NRXN3: variants seen among roughly 807,000 people sequenced by gnomAD.
NRXN3 encodes neurexin III.
NRXN3 carries 32 observed loss-of-function variants against 137.6 expected under a neutral mutation model. The ratio of observed to expected loss-of-function variants is 0.23; its 90% CI spans 0.18 to 0.31. The LOEUF is 0.31. NRXN3 is among the 10% of genes least tolerant of loss of function. The pLI, the probability that NRXN3 is intolerant of heterozygous loss-of-function variation, is 1.00. For synonymous variants in NRXN3, 798 were observed against 784.5 expected, an observed-to-expected ratio of 1.02 and a Z score of -0.29; for missense variants, 1,574 against 2,062.5, an observed-to-expected ratio of 0.76 and a Z score of 4.59.
intron 1 of NRXN3, among the ~76,000 whole-genome samples, chr14:78,239,338 G>T (rs1343603843): frequency 6.6e-6 from 1 of 152,176 alleles, no homozygotes; most frequent in Admixed American, 6.5e-5. Flanking sequence ...GGGTGAGATT[G>T]GTGTCTTTAT....
At chr14:78,501,545 AAAG>A (rs1207905617) in intron 4 of NRXN3, among the ~76,000 whole-genome samples, 1 of 152,212 alleles carries the variant, frequency 6.6e-6, no homozygotes, top group Non-Finnish European at 1.5e-5. Context: ...CTATTCAAAA[AAAG>A]CTACTTACTA....
chr14:79,442,354 A>G (rs2095978674), intron 15 of NRXN3, among the ~76,000 whole-genome samples: 2 of 152,320 alleles, frequency 1.3e-5, no homozygotes, highest in African/African-American at 4.8e-5. Context: ...AGTAATGTTC[A>G]TGGGGAGTTT....
intron 8 of NRXN3, among the ~76,000 whole-genome samples, chr14:78,798,045 AC>A (rs1258142493): frequency 1.3e-5 from 2 of 151,896 alleles, no homozygotes; most frequent in African/African-American, 4.8e-5. Context: ...TCCATCCCTG[AC>A]CCCTCCCAAA....
At chr14:78,617,396 G>GT (rs1313415903) in intron 4 of NRXN3, among the ~76,000 whole-genome samples, 1 of 152,134 alleles carries the variant, frequency 6.6e-6, no homozygotes, top group Non-Finnish European at 1.5e-5. Flanking sequence ...AGTGTTAAGA[G>GT]TTTTTAGGGC....
intron 4 of NRXN3, among the ~76,000 whole-genome samples, chr14:78,454,628 C>T (rs375679360): frequency 1.3e-5 from 2 of 152,180 alleles, no homozygotes; most frequent in Admixed American, 6.5e-5. Flanking sequence ...ACAGAATAGA[C>T]AGTCAATAAA....
chr14:79,439,435 G>T (rs1174194625), intron 15 of NRXN3, among the ~76,000 whole-genome samples: 1 of 152,182 alleles, frequency 6.6e-6, no homozygotes, highest in Non-Finnish European at 1.5e-5. Context: ...GTGCCATGCA[G>T]TTACAGATTT....
At chr14:79,128,939 T>G (rs1052068088) in intron 15 of NRXN3, among the ~76,000 whole-genome samples, 2 of 152,148 alleles carry the variant, frequency 1.3e-5, no homozygotes, top group Non-Finnish European at 2.9e-5. Flanking sequence ...TATCCATTTC[T>G]TCTAGATTTT....
intron 16 of NRXN3, among the ~76,000 whole-genome samples, chr14:79,560,926 C>A (rs919497877): frequency 2.0e-5 from 3 of 152,144 alleles, no homozygotes; most frequent in Non-Finnish European, 2.9e-5. Flanking sequence ...AAGCTGCTCC[C>A]CCTTCCATCA....
chr14:78,252,702 G>A (rs1340543037), intron 2 of NRXN3, among the ~76,000 whole-genome samples: 1 of 152,196 alleles, frequency 6.6e-6, no homozygotes, highest in Non-Finnish European at 1.5e-5. Context: ...GTAGCAAGCA[G>A]TACATTTCAG....
At chr14:79,767,677 A>G (rs1325088742) in intron 19 of NRXN3, among the ~76,000 whole-genome samples, 3 of 152,212 alleles carry the variant, frequency 2.0e-5, no homozygotes, top group African/African-American at 7.2e-5. Context: ...TCCCTATTAA[A>G]TGGATAACAC....
intron 4 of NRXN3, among the ~76,000 whole-genome samples, chr14:78,584,214 A>G (rs2152376602): frequency 6.6e-6 from 1 of 152,246 alleles, no homozygotes; most frequent in Admixed American, 6.5e-5. Flanking sequence ...ATTGTTTTCC[A>G]GATATTTGTA....
intron 15 of NRXN3, among the ~76,000 whole-genome samples, chr14:79,355,333 C>T (rs916281600): frequency 4.6e-4 from 70 of 151,752 alleles, no homozygotes; most frequent in African/African-American, 1.6e-3. Flanking sequence ...ACTTCTTTTC[C>T]ACTGCATGCC....
intron 15 of NRXN3, among the ~76,000 whole-genome samples, chr14:79,382,539 A>G (rs1025698556): frequency 3.3e-5 from 5 of 152,064 alleles, no homozygotes; most frequent in Non-Finnish European, 5.9e-5. Context: ...GTTCTCCCCA[A>G]TCTGGGGCCC....
At chr14:78,999,896 C>T (rs1194113020) in intron 15 of NRXN3, among the ~76,000 whole-genome samples, 2 of 152,128 alleles carry the variant, frequency 1.3e-5, no homozygotes, top group Non-Finnish European at 1.5e-5. Context: ...CTCTAGTGAT[C>T]GAGTGAGATA....
At chr14:79,320,169 A>T (rs1472181517) in intron 15 of NRXN3, among the ~76,000 whole-genome samples, 2 of 152,196 alleles carry the variant, frequency 1.3e-5, no homozygotes, top group African/African-American at 4.8e-5. Context: ...TAATTACTAT[A>T]ATTTTTCAAT....
At chr14:79,033,144 AC>A (rs1338665080) in intron 15 of NRXN3, among the ~76,000 whole-genome samples, 1 of 151,948 alleles carries the variant, frequency 6.6e-6, no homozygotes, top group African/African-American at 2.4e-5. Flanking sequence ...AGGACTTCTG[AC>A]TTTTTCTTCC....
At chr14:79,826,332 T>C (rs563540912) in intron 20 of NRXN3, among the ~76,000 whole-genome samples, 2 of 152,286 alleles carry the variant, frequency 1.3e-5, no homozygotes, top group African/African-American at 4.8e-5. Context: ...CAAATAACTT[T>C]ATAGTTGGAG....
chr14:78,321,680 A>G (rs2079386481), intron 4 of NRXN3, among the ~76,000 whole-genome samples: 1 of 152,044 alleles, frequency 6.6e-6, no homozygotes, highest in African/African-American at 2.4e-5. Flanking sequence ...CATGGTAGAG[A>G]GAAGGAAGGG....
intron 19 of NRXN3, among the ~76,000 whole-genome samples, chr14:79,755,258 G>C (rs1273753713): frequency 6.6e-6 from 1 of 151,966 alleles, no homozygotes; most frequent in African/African-American, 2.4e-5. Context: ...CTATGTAAAT[G>C]CCTGTTATAC....
Sources: allele counts gnomAD v4.1 joint callset (sites outside exome capture counted in the v4.1 genomes callset), GRCh38; gene constraint gnomAD v4.1.1; transcripts MANE v1.5; gene names NCBI Gene and HGNC (gene_info 2026-07-23, HGNC 2026-07-21).